Variants in ERVK3-1 observed in about 807,000 individuals in gnomAD.
ERVK3-1 encodes the protein endogenous retrovirus group K3 member 1.
intron 3 of ERVK3-1, among the ~76,000 whole-genome samples, chr19:58,314,008 A>G (rs571212662): frequency 6.6e-5 from 10 of 152,342 alleles, no homozygotes; most frequent in East Asian, 1.9e-4. Context: ...GGATGCTTCA[A>G]AATAAAATTA....
intron 2 of ERVK3-1, among the ~76,000 whole-genome samples, chr19:58,306,851 A>T (rs2051527025): frequency 6.7e-6 from 1 of 149,764 alleles, no homozygotes; most frequent in African/African-American, 2.6e-5. Context: ...AAAGAATTAA[A>T]AGCTAGTGTG....
At chr19:58,314,045 A>G (rs556755791) in intron 3 of ERVK3-1, among the ~76,000 whole-genome samples, 10 of 152,328 alleles carry the variant, frequency 6.6e-5, no homozygotes, top group Admixed American at 2.0e-4. Flanking sequence ...AAAGGTAGCA[A>G]TGTTAAAGGC....
chr19:58,311,019 C>T (rs2051553798), intron 2 of ERVK3-1: 1 of 164,826 alleles, frequency 6.1e-6, no homozygotes, highest in Non-Finnish European at 1.3e-5. Flanking sequence ...GTCCCCTCAG[C>T]TCCTATCTCT....
Position 58,313,069 on chromosome 19 carries a change from T to G in ERVK3-1, c.294+607T>G, listed in dbSNP as rs2051567301. 6.6e-6 allele frequency: 1 copy of G among 152,238 alleles called. No homozygotes were observed. Among genetic ancestry groups the G allele is most frequent in the Non-Finnish European group, 1.5e-5 (1 of 68,044 alleles). 9.4% of individuals were successfully genotyped at this position (152,238 alleles called of 1,614,324 possible). ...CCCCCAGTTGGCTGCACAACTTGCT[T>G]GGTATAGGACAGGCTTTAACCCGCC... On this transcript the variant is annotated intron_variant, in intron 3 of 3. Coordinates refer to ENST00000413518, the Ensembl canonical transcript of ERVK3-1. This position sits in a 1 kb window ranked among gnomAD's most constrained non-coding sequence, Gnocchi z 4.5.
chr19:58,307,747 A>G (rs7257719), intron 2 of ERVK3-1, among the ~76,000 whole-genome samples: 35,848 of 151,996 alleles, frequency 0.24, 6,965 homozygotes, highest in African/African-American at 0.53. Context: ...CCCCGCTCTC[A>G]GGAAATGAGA....
At chr19:58,309,049 A>C (rs1251511538) in intron 2 of ERVK3-1, 3 of 152,226 alleles carry the variant, frequency 2.0e-5, no homozygotes, top group Non-Finnish European at 4.4e-5. Flanking sequence ...TTACACAAGA[A>C]GGACAAGCCT....
At chr19:58,314,978 G>T in exon 4 of ERVK3-1, 1 of 389,510 alleles carries the variant, frequency 2.6e-6, no homozygotes, top group East Asian at 3.6e-5. Context: ...AGGAATGCTG[G>T]GGGCAGTCAT....
rs144681438 is a variant in ERVK3-1 at position 58,313,626 on chromosome 19, C to T, written c.295-1122C>T. On this transcript the variant is annotated intron_variant, in intron 3 of 3. Coordinates refer to ENST00000413518, the Ensembl canonical transcript of ERVK3-1. The surrounding 1 kb of genome is among the most constrained non-coding windows in gnomAD (Gnocchi z 4.5). The stretch of plus-strand genomic sequence containing the variant: ...TTTAATCCCTATGTTTTTCTAGCAT[C>T]TAAGAAGGACCAACTCCACGTAAAC... 7.4e-4 allele frequency among the ~76,000 whole-genome samples: 113 copies of T among 152,298 alleles called. No homozygotes were observed. The highest frequency in any genetic ancestry group is 2.5e-3 in the African/African-American group (102 of 41,572).
At position 58,312,837 on chromosome 19, in the gene ERVK3-1, C is replaced by T. The variant is rs576246646; in HGVS notation, c.294+375C>T. ...AATTGTATGGATTATATGGAATGGGCTCCCTTTGATATTTCTCACCCCCCT... is the reference window on the plus strand; with the variant it reads ...AATTGTATGGATTATATGGAATGGGTTCCCTTTGATATTTCTCACCCCCCT... On this transcript the variant is annotated intron_variant, in intron 3 of 3. Transcript: ENST00000413518. This position sits in a 1 kb window ranked among gnomAD's most constrained non-coding sequence, Gnocchi z 4.7. 101 of 162,656 alleles carry T rather than the reference C, an allele frequency of 6.2e-4. No homozygotes were observed. In the Middle Eastern group the frequency reaches 0.021, roughly 34 times the overall value. The allele number at this position is 162,656 out of a possible 1,614,324, so 10.1% of individuals were successfully genotyped here. A position where few individuals can be genotyped will look rare whatever the true frequency, so the allele number is the denominator to read the frequency against.
In ERVK3-1 at chr19:58,312,778, C is replaced by T. The variant is rs939692206; in HGVS notation, c.294+316C>T. Among the ~76,000 whole-genome samples the T allele has an allele frequency of 6.6e-6, 1 of 152,136 alleles. No homozygotes were observed. Among genetic ancestry groups the T allele is most frequent in the Non-Finnish European group, 1.5e-5 (1 of 68,034 alleles). ...GCCTCAGCTTTATTAATGTTACTGGCGTGTTCACCAATCACTCCTAGCCCC... is the reference window on the plus strand; with the variant it reads ...GCCTCAGCTTTATTAATGTTACTGGTGTGTTCACCAATCACTCCTAGCCCC... On this transcript the variant is annotated intron_variant, in intron 3 of 3. Transcript: ENST00000413518. This position sits in a 1 kb window ranked among gnomAD's most constrained non-coding sequence, Gnocchi z 4.7.
chr19:58,305,788 C>CT (rs1431834580), intron 1 of ERVK3-1, among the ~76,000 whole-genome samples: 2 of 152,200 alleles, frequency 1.3e-5, no homozygotes, highest in Non-Finnish European at 2.9e-5. Context: ...CAAACTGCGT[C>CT]TGCCGCCAGA....
chr19:58,307,608 C>CG (rs2051531685), intron 2 of ERVK3-1, among the ~76,000 whole-genome samples: 1 of 144,832 alleles, frequency 6.9e-6, no homozygotes, highest in African/African-American at 2.8e-5. Context: ...TGCAATACCG[C>CG]CCCCCCCTCC....
rs1035733739 is a variant in ERVK3-1, at chr19:58,310,686, T to A, written c.-3-1480T>A. The A allele has an allele frequency of 1.7e-5, 3 of 180,990 alleles. No individual in the cohort carries two copies. The highest frequency in any genetic ancestry group is 3.6e-5 in the Non-Finnish European group (3 of 82,680). The allele number at this position is 180,990 out of a possible 1,614,324, so 11.2% of individuals were successfully genotyped here. A position where few individuals can be genotyped will look rare whatever the true frequency, so the allele number is the denominator to read the frequency against. Reference sequence around the variant, plus strand: ...TACAGGATGGAACATGAAGGCGGACTAGGAGCGTGACCACTGAAGCACAGA... The same window carrying A: ...TACAGGATGGAACATGAAGGCGGACAAGGAGCGTGACCACTGAAGCACAGA... On this transcript the variant is annotated intron_variant, in intron 2 of 3. Coordinates refer to ENST00000413518, the Ensembl canonical transcript of ERVK3-1. The surrounding 1 kb of genome is among the most constrained non-coding windows in gnomAD (Gnocchi z 4.7).
chr19:58,312,163 CAGG>C lies in ERVK3-1; in HGVS notation c.-3_-1del. 2.5e-6 allele frequency: 1 copy of C among 400,160 alleles called. No homozygotes were observed. The allele number at this position is 400,160 out of a possible 1,614,324, so 24.8% of individuals were successfully genotyped here. On this transcript the variant is annotated splice_acceptor_variant and 5_prime_UTR_variant, in exon 3 of 4. Transcript: ENST00000413518. LOFTEE classifies it low-confidence loss of function (5UTR_SPLICE). This position sits in a 1 kb window ranked among gnomAD's most constrained non-coding sequence, Gnocchi z 4.7. Reference sequence around the variant, plus strand: ...GGACGAGGGTATGCTTGTGTTTTTACAGGAGATGGACAAACCGTGTGGGTGCCC... The same window carrying C: ...GGACGAGGGTATGCTTGTGTTTTTACAGATGGACAAACCGTGTGGGTGCCC...
chr19:58,313,410 C>A lies in ERVK3-1; in HGVS notation c.294+948C>A, dbSNP rs1026891852. 6.6e-6 allele frequency among the ~76,000 whole-genome samples: 1 copy of A among 152,112 alleles called. No individual in the cohort carries two copies. The highest frequency in any genetic ancestry group is 1.5e-5 in the Non-Finnish European group (1 of 68,030). On this transcript the variant is annotated intron_variant, in intron 3 of 3. Transcript: ENST00000413518. This position sits in a 1 kb window ranked among gnomAD's most constrained non-coding sequence, Gnocchi z 4.5. ...CAAGCAATTGTCTGCCTCAGCCTCC[C>A]GAGTAGCTGGGATTACAGGCACCCG...
Position 58,310,860 on chromosome 19 carries a change from G to T in ERVK3-1, c.-3-1306G>T. On this transcript the variant is annotated intron_variant, in intron 2 of 3. Coordinates refer to ENST00000413518, the Ensembl canonical transcript of ERVK3-1. This position sits in a 1 kb window ranked among gnomAD's most constrained non-coding sequence, Gnocchi z 4.7. The stretch of plus-strand genomic sequence containing the variant: ...CCACCCTTTCCCGGTCTGCTAAGTA[G>T]CGGGTGTTGTTCCTTGACACTTTTC... The T allele has an allele frequency of 2.5e-6, 1 of 404,932 alleles. No homozygotes were observed. The highest frequency in any genetic ancestry group is 5.1e-6 in the Non-Finnish European group (1 of 197,836). The allele number at this position is 404,932 out of a possible 1,614,324, so 25.1% of individuals were successfully genotyped here. A position where few individuals can be genotyped will look rare whatever the true frequency, so the allele number is the denominator to read the frequency against.
At chr19:58,306,853 G>C (rs1414211031) in intron 2 of ERVK3-1, among the ~76,000 whole-genome samples, 1 of 152,152 alleles carries the variant, frequency 6.6e-6, no homozygotes, top group African/African-American at 2.4e-5. Flanking sequence ...AGAATTAAAA[G>C]CTAGTGTGGT....
chr19:58,312,672 A>G lies in ERVK3-1; in HGVS notation c.294+210A>G, dbSNP rs79901422. ...GGACTCCCTTTATGTATCACCATGG[A>G]TACGTCACTCAACTGCAGCTGTCTT... On this transcript the variant is annotated intron_variant, in intron 3 of 3. Transcript: ENST00000413518. This position sits in a 1 kb window ranked among gnomAD's most constrained non-coding sequence, Gnocchi z 4.7. Among the ~76,000 whole-genome samples, 3,886 of 152,238 alleles carry G rather than the reference A, an allele frequency of 0.026. 155 individuals are homozygous for G. Among genetic ancestry groups the G allele is most frequent in the African/African-American group, 0.084 (3,494 of 41,494 alleles).
chr19:58,314,774 C>A (rs371427845), exon 4 of ERVK3-1: 1 of 399,904 alleles, frequency 2.5e-6, no homozygotes, highest in Non-Finnish European at 4.4e-6. Context: ...AACCACCAAC[C>A]GGCAATTGAA....
Sources: allele counts gnomAD v4.1 joint callset (sites outside exome capture counted in the v4.1 genomes callset), GRCh38; gene constraint gnomAD v4.1.1; non-coding constraint Gnocchi (gnomAD v3.1); transcripts MANE v1.5; gene names NCBI Gene and HGNC (gene_info 2026-07-23, HGNC 2026-07-21).